Variants in PARP15 observed in about 807,000 individuals in gnomAD.
PARP15 encodes poly(ADP-ribose) polymerase family member 15, also known as protein mono-ADP-ribosyltransferase PARP15.
PARP15 carries 50 observed loss-of-function variants against 62.1 expected under a neutral mutation model. The ratio of observed to expected loss-of-function variants is 0.81; its 90% CI spans 0.64 to 1.02. The LOEUF is 1.02. PARP15 is among the 50% of genes least tolerant of loss of function. The pLI is 0.00. For missense variants in PARP15, 820 were observed against 826.5 expected, an observed-to-expected ratio of 0.99 and a Z score of 0.10; for synonymous variants, 309 against 293.1, an observed-to-expected ratio of 1.05 and a Z score of -0.55.
chr3:122,599,175 C>T (rs1400757128), intron 1 of PARP15, among the ~76,000 whole-genome samples: 1 of 152,168 alleles, frequency 6.6e-6, no homozygotes. Context: ...GGATTACAGG[C>T]GTGAGCCACC....
chr3:122,584,564 C>T (rs1348709063), intron 1 of PARP15, among the ~76,000 whole-genome samples: 2 of 113,178 alleles, frequency 1.8e-5, no homozygotes, highest in East Asian at 2.5e-4. Context: ...AATATTCATC[C>T]ATTTCTTTCC....
chr3:122,584,741 C>T (rs1933279971), intron 1 of PARP15, among the ~76,000 whole-genome samples: 1 of 151,964 alleles, frequency 6.6e-6, no homozygotes, highest in Non-Finnish European at 1.5e-5. Flanking sequence ...CCATGCCTGG[C>T]TAATTTTTGC....
intron 1 of PARP15, among the ~76,000 whole-genome samples, chr3:122,600,031 A>T (rs1934669858): frequency 1.3e-5 from 2 of 152,234 alleles, no homozygotes; most frequent in Admixed American, 1.3e-4. Context: ...ACAAGTTACT[A>T]ATTTGGTGAG....
intron 9 of PARP15, among the ~76,000 whole-genome samples, chr3:122,628,060 C>G (rs981855152): frequency 6.6e-6 from 1 of 152,190 alleles, no homozygotes; most frequent in Non-Finnish European, 1.5e-5. Context: ...ATCTCTCATT[C>G]TCTTCTCAGC....
chr3:122,630,497 C>A (rs1161263638), intron 9 of PARP15, among the ~76,000 whole-genome samples: 2 of 151,984 alleles, frequency 1.3e-5, no homozygotes, highest in Non-Finnish European at 2.9e-5. Context: ...CCAGCCTGGG[C>A]AACATGGCAG....
In PARP15 at chr3:122,636,490, G is replaced by A. The variant is rs988094820; in HGVS notation, c.*390G>A. Reference sequence around the variant, plus strand: ...TGGCGGGTTAAACTGTACTGCTTAAGTGGAGCGGCTACCGTTATGCATCTA... The same window carrying A: ...TGGCGGGTTAAACTGTACTGCTTAAATGGAGCGGCTACCGTTATGCATCTA... On this transcript the variant is annotated 3_prime_UTR_variant, in exon 12 of 12. Transcript: ENST00000464300. 5.3e-6 allele frequency: 1 copy of A among 190,036 alleles called. No homozygotes were observed. The highest frequency in any genetic ancestry group is 2.3e-5 in the African/African-American group (1 of 42,906). 11.8% of individuals were successfully genotyped at this position (190,036 alleles called of 1,614,324 possible). A position where few individuals can be genotyped will look rare whatever the true frequency, so the allele number is the denominator to read the frequency against.
At position 122,636,049 on chromosome 3, in the gene PARP15, A is replaced by G; in HGVS notation, c.1986A>G (p.Val662=). 1.2e-6 allele frequency: 2 copies of G among 1,614,048 alleles called. No homozygotes were observed. The highest frequency in any genetic ancestry group is 1.7e-5 in the Admixed American group (1 of 60,002). The change falls in exon 12 of 12, where the codon GTA becomes GTG. Residue 662 remains valine (V), a synonymous_variant. Transcript: ENST00000464300. ...NNTRSPKLFV[V]FFDNQAYPEY... ...CACGATCTCCAAAGCTATTTGTGGT[A>G]TTCTTTGATAATCAGGCTTACCCAG...
Position 122,584,064 on chromosome 3 carries a change from T to C in PARP15, c.186+6211T>C, listed in dbSNP as rs548532045. 7.9e-5 allele frequency among the ~76,000 whole-genome samples: 12 copies of C among 152,302 alleles called. 1 individual carries two copies. The South Asian group carries it at 2.1e-3, about 26-fold the overall frequency. On this transcript the variant is annotated intron_variant, in intron 1 of 11. Coordinates refer to ENST00000464300, the MANE Select transcript of PARP15 (RefSeq NM_001113523.3). The stretch of plus-strand genomic sequence containing the variant: ...TGGTAAGCTCCATGTGGAGCAATTG[T>C]AGCATTCACCTTATTTGTTTCTTCT...
At chr3:122,596,282 G>A (rs1934336017) in intron 1 of PARP15, among the ~76,000 whole-genome samples, 2 of 140,230 alleles carry the variant, frequency 1.4e-5, no homozygotes, top group African/African-American at 5.3e-5. Context: ...CTTGAACCAA[G>A]GAGTCGGAGG....
At chr3:122,584,448 CCA>C (rs1933239403) in intron 1 of PARP15, among the ~76,000 whole-genome samples, 1 of 152,026 alleles carries the variant, frequency 6.6e-6, no homozygotes, top group Non-Finnish European at 1.5e-5. Context: ...GTCATAGTTA[CCA>C]TACTTACCTT....
chr3:122,600,058 T>C (rs1311098809), intron 1 of PARP15, among the ~76,000 whole-genome samples: 1 of 152,224 alleles, frequency 6.6e-6, no homozygotes, highest in African/African-American at 2.4e-5. Flanking sequence ...CAGGTATGAA[T>C]TGTGTTTTGG....
chr3:122,596,445 A>G (rs1423554922), intron 1 of PARP15, among the ~76,000 whole-genome samples: 1 of 151,160 alleles, frequency 6.6e-6, no homozygotes, highest in Admixed American at 6.6e-5. Context: ...ATCAACTTGC[A>G]TTACCCATGG....
At chr3:122,632,056 T>C (rs1937085907) in intron 9 of PARP15, 30 bp from the exon 10 acceptor site, 1 of 1,613,686 alleles carries the variant, frequency 6.2e-7, no homozygotes, top group East Asian at 2.2e-5. Context: ...GAAATGAATG[T>C]TGTGTTTTGA....
chr3:122,637,314 A>G lies in PARP15; in HGVS notation c.*1214A>G, dbSNP rs1388975903. ...TTTCAGCACTCAACATCTTCAGGGA[A>G]CCTATTCCGCCGTGGGACAGTGTTA... On this transcript the variant is annotated 3_prime_UTR_variant, in exon 12 of 12. Transcript: ENST00000464300. 2.0e-5 allele frequency: 3 copies of G among 152,022 alleles called. No homozygotes were observed. The highest frequency in any genetic ancestry group is 7.2e-5 in the African/African-American group (3 of 41,382). The allele number at this position is 152,022 out of a possible 1,614,324, so 9.4% of individuals were successfully genotyped here.
intron 1 of PARP15, among the ~76,000 whole-genome samples, chr3:122,582,699 A>G (rs1933058611): frequency 6.6e-6 from 1 of 152,074 alleles, no homozygotes; most frequent in African/African-American, 2.4e-5. Flanking sequence ...CTTGGTTTAT[A>G]GTTTTCATCA....
In PARP15 at chr3:122,598,716, C is replaced by A. The variant is rs111678713; in HGVS notation, c.187-7220C>A. 9.8e-3 allele frequency among the ~76,000 whole-genome samples: 1,489 copies of A among 152,186 alleles called. 23 individuals are homozygous for A. The highest frequency in any genetic ancestry group is 0.032 in the African/African-American group (1,323 of 41,534). ...GATATGGAAGGAGACTACGCAAAGGCTCAATGACCAGGAAGTAGGAATTGA... is the reference window on the plus strand; with the variant it reads ...GATATGGAAGGAGACTACGCAAAGGATCAATGACCAGGAAGTAGGAATTGA... On this transcript the variant is annotated intron_variant, in intron 1 of 11. Transcript: ENST00000464300.
chr3:122,584,662 C>T (rs551376830), intron 1 of PARP15, among the ~76,000 whole-genome samples: 2 of 148,212 alleles, frequency 1.3e-5, no homozygotes, highest in South Asian at 4.2e-4. Context: ...ACTACAACCT[C>T]CACACCCCGG....
In PARP15 at chr3:122,606,050, A is replaced by C. The variant is rs1238723244; in HGVS notation, c.301A>C (p.Ile101Leu). ...LKLISGDVLY[I>L]WADVIVNSVP... is the part of the protein sequence containing the mutation. ...GTTGATAAGTGGAGATGTTCTGTAC[A>C]TCTGGGTAGGTGATGCCATTTAATA... Residue 101 changes from isoleucine to leucine, a missense_variant, in exon 2 of 12, where the codon ATC becomes CTC. Around this residue, in one of 3 missense-constraint regions of PARP15, gnomAD observed 731 missense variants for 727.7 expected, o/e 1.00. Coordinates refer to ENST00000464300, the MANE Select transcript of PARP15 (RefSeq NM_001113523.3). 7 of 1,551,672 alleles carry C rather than the reference A, an allele frequency of 4.5e-6. No homozygotes were observed. The South Asian group carries it at 7.1e-5, about 16-fold the overall frequency.
At chr3:122,631,959 T>G in intron 9 of PARP15, 127 bp from the exon 10 acceptor site, 2 of 1,005,600 alleles carry the variant, frequency 2.0e-6, no homozygotes, top group Non-Finnish European at 3.0e-6. Context: ...GAAGCAATTG[T>G]GAAATGTGTA....
Sources: allele counts gnomAD v4.1 joint callset (sites outside exome capture counted in the v4.1 genomes callset), GRCh38; gene constraint gnomAD v4.1.1; regional missense constraint gnomAD v4.1.1; transcripts MANE v1.5; gene names NCBI Gene and HGNC (gene_info 2026-07-23, HGNC 2026-07-21).